Variants in DYNC2H1 observed in about 807,000 individuals in gnomAD.
DYNC2H1 encodes dynein cytoplasmic 2 heavy chain 1.
A neutral mutation model predicts 570.0 loss-of-function variants in DYNC2H1; 410 were observed. That is an observed-to-expected ratio of 0.72 (90% confidence interval 0.66 to 0.78). The LOEUF (loss-of-function observed/expected upper bound fraction) is 0.78, where lower values mean the gene tolerates loss of function less well. DYNC2H1 is among the 30% of genes least tolerant of loss of function. The pLI is 0.00. For missense variants in DYNC2H1, 4,865 were observed against 5,046.4 expected (o/e 0.96, Z 1.09); for synonymous variants, 1,688 against 1,677.6 (o/e 1.01, Z -0.15).
intron 82 of DYNC2H1, among the ~76,000 whole-genome samples, chr11:103,350,158 A>G (rs1425151783): frequency 6.6e-6 from 1 of 152,156 alleles, no homozygotes; most frequent in Non-Finnish European, 1.5e-5. Context: ...GCATGAAACT[A>G]TTAAGGGGTG....
At chr11:103,383,361 T>G (rs1941734936) in intron 83 of DYNC2H1, among the ~76,000 whole-genome samples, 1 of 152,192 alleles carries the variant, frequency 6.6e-6, no homozygotes, top group African/African-American at 2.4e-5. Flanking sequence ...AGATAATACC[T>G]CCTACATAAT....
At chr11:103,260,505 T>C (rs1444802619) in intron 70 of DYNC2H1, among the ~76,000 whole-genome samples, 2 of 152,210 alleles carry the variant, frequency 1.3e-5, no homozygotes, top group Non-Finnish European at 2.9e-5. Context: ...TCCTGAGTTA[T>C]GAAATTTTTT....
At chr11:103,409,114 G>T (rs185077669) in intron 84 of DYNC2H1, among the ~76,000 whole-genome samples, 1 of 152,036 alleles carries the variant, frequency 6.6e-6, no homozygotes, top group Non-Finnish European at 1.5e-5. Context: ...TCTAATACTG[G>T]TAATGCTAGA....
In DYNC2H1 at chr11:103,174,177, T is replaced by C. The variant is rs1044869032; in HGVS notation, c.5674+7T>C. The C allele has an allele frequency of 1.3e-6, 2 of 1,537,210 alleles. No homozygotes were observed. Among genetic ancestry groups the C allele is most frequent in the African/African-American group, 2.7e-5 (2 of 73,020 alleles). ...AGTGGCACTACACAGAATGGTATGA[T>C]TGATTATTCCAAATACATTAACTTA... is the stretch of plus-strand genomic sequence containing the variant. On this transcript the variant is annotated splice_region_variant and intron_variant, in intron 36 of 88. Transcript: ENST00000375735.
intron 84 of DYNC2H1, 93 bp from the exon 85 acceptor site, chr11:103,435,850 T>A: frequency 8.1e-7 from 1 of 1,232,702 alleles, no homozygotes; most frequent in South Asian, 1.3e-5. Flanking sequence ...ATGTGAATTA[T>A]GCCAAAATTT....
intron 82 of DYNC2H1, among the ~76,000 whole-genome samples, chr11:103,346,180 A>T (rs547774989): frequency 6.6e-6 from 1 of 152,210 alleles, no homozygotes; most frequent in Non-Finnish European, 1.5e-5. Context: ...AATGGCTTTT[A>T]TGAACCCAGC....
At position 103,466,962 on chromosome 11, in the gene DYNC2H1, G is replaced by A. The variant is rs146556904; in HGVS notation, c.12649-1627G>A. Among the ~76,000 whole-genome samples the A allele has an allele frequency of 2.3e-3, 347 of 152,074 alleles. 2 individuals carry two copies. The highest frequency in any genetic ancestry group is 0.017 in the Middle Eastern group (5 of 294). The stretch of plus-strand genomic sequence containing the variant: ...TTATTGAGGTGTTTTTTTAATAATG[G>A]TAAACAGTTGGAAATATTCACCAGC... On this transcript the variant is annotated intron_variant, in intron 87 of 88. Coordinates refer to ENST00000375735, the MANE Select transcript of DYNC2H1 (RefSeq NM_001377.3).
intron 59 of DYNC2H1, among the ~76,000 whole-genome samples, chr11:103,230,088 A>G (rs1863948229): frequency 6.6e-6 from 1 of 152,112 alleles, no homozygotes; most frequent in African/African-American, 2.4e-5. Flanking sequence ...TTGACAGGTA[A>G]TTTTGGTGTA....
In DYNC2H1 at chr11:103,293,454, T is replaced by C. The variant is rs1056320184; in HGVS notation, c.11095+5849T>C. ...GCTGTCTTGTACCTGGATATTCTTATCTTTCTCTATGCTAGGCAAGTTCTC... is the reference window on the plus strand; with the variant it reads ...GCTGTCTTGTACCTGGATATTCTTACCTTTCTCTATGCTAGGCAAGTTCTC... On this transcript the variant is annotated intron_variant, in intron 75 of 88. Transcript: ENST00000375735. Among the ~76,000 whole-genome samples, 15 of 152,318 alleles carry C rather than the reference T, an allele frequency of 9.8e-5. No individual in the cohort carries two copies. The East Asian group carries it at 2.9e-3, about 29-fold the overall frequency.
Position 103,125,221 on chromosome 11 carries a change from G to T in DYNC2H1, c.1783G>T (p.Val595Phe), listed in dbSNP as rs777973641. Residue 595 changes from valine to phenylalanine, a missense_variant, in exon 12 of 89, where the codon GTT becomes TTT. Coordinates refer to ENST00000375735, the MANE Select transcript of DYNC2H1 (RefSeq NM_001377.3). ...TCGTCAGCTCTCTGCACTTGGCTTT[G>T]TTATTCCTGCCAAAATACAGCAAGT... is the stretch of plus-strand genomic sequence containing the variant. Reference protein sequence around the residue: ...EVRQLSALGFVIPAKIQQVAN... With the variant: ...EVRQLSALGFFIPAKIQQVAN... The T allele has an allele frequency of 8.1e-6, 13 of 1,613,368 alleles. No individual in the cohort carries two copies. In the African/African-American group the frequency reaches 1.7e-4, roughly 22 times the overall value.
chr11:103,361,699 G>C (rs1278848772), intron 83 of DYNC2H1, among the ~76,000 whole-genome samples: 1 of 152,178 alleles, frequency 6.6e-6, no homozygotes, highest in Non-Finnish European at 1.5e-5. Context: ...AGCAGATGAA[G>C]AGCAGTGGGT....
At chr11:103,150,866 T>C (rs75852931) in intron 20 of DYNC2H1, among the ~76,000 whole-genome samples, 6 of 152,214 alleles carry the variant, frequency 3.9e-5, no homozygotes, top group African/African-American at 1.4e-4. Context: ...AATTAGGTAT[T>C]ATAAGAGGAA....
rs529456510 is a variant in DYNC2H1, at chr11:103,120,860, A to T, written c.1248+58A>T. ...TCTCTTAAGCTAATATATATATAAA[A>T]ATATATATATATTTACTGAGTTGAT... is the stretch of plus-strand genomic sequence containing the variant. On this transcript the variant is annotated intron_variant, in intron 8 of 88. Coordinates refer to ENST00000375735, the MANE Select transcript of DYNC2H1 (RefSeq NM_001377.3). The T allele has an allele frequency of 9.8e-5, 110 of 1,121,984 alleles. No individual in the cohort carries two copies. In the African/African-American group the frequency reaches 1.6e-3, roughly 16 times the overall value. 69.5% of individuals were successfully genotyped at this position (1,121,984 alleles called of 1,614,324 possible).
chr11:103,410,292 G>GTCTT (rs1283775698), intron 84 of DYNC2H1, among the ~76,000 whole-genome samples: 4 of 152,002 alleles, frequency 2.6e-5, no homozygotes, highest in African/African-American at 9.7e-5. Context: ...TCCTCCTTGA[G>GTCTT]TCTTTTGATT....
chr11:103,422,889 G>C (rs976567366), intron 84 of DYNC2H1, among the ~76,000 whole-genome samples: 2 of 152,158 alleles, frequency 1.3e-5, no homozygotes, highest in African/African-American at 4.8e-5. Context: ...AAGAGAGGAA[G>C]TCAAATTGTT....
intron 82 of DYNC2H1, among the ~76,000 whole-genome samples, chr11:103,333,326 C>G (rs1274079333): frequency 6.6e-6 from 1 of 152,130 alleles, no homozygotes; most frequent in Non-Finnish European, 1.5e-5. Flanking sequence ...TGCAGTGGCA[C>G]AATCTCAGCT....
chr11:103,254,841 G>A lies in DYNC2H1; in HGVS notation c.10207-574G>A, dbSNP rs141902785. Among the ~76,000 whole-genome samples the A allele has an allele frequency of 4.8e-3, 727 of 151,908 alleles. 6 individuals are homozygous for A. The highest frequency in any genetic ancestry group is 0.016 in the African/African-American group (661 of 41,440). ...GGCTGGAGTGCAATGGCGCAATCTCGGCTCACTGTAACTTCTGCCTCCTAG... is the reference window on the plus strand; with the variant it reads ...GGCTGGAGTGCAATGGCGCAATCTCAGCTCACTGTAACTTCTGCCTCCTAG... On this transcript the variant is annotated intron_variant, in intron 66 of 88. Coordinates refer to ENST00000375735, the MANE Select transcript of DYNC2H1 (RefSeq NM_001377.3). The surrounding 1 kb of genome is among the most constrained non-coding windows in gnomAD (Gnocchi z 4.9).
rs1864514834 is a variant in DYNC2H1 at position 103,243,922 on chromosome 11, A to G, written c.9918+131A>G. ...GTATGGGACCTTGGGCGAGAGATATAACTCTTAGCTTCAGTTTTCTAATTT... is the reference window on the plus strand; with the variant it reads ...GTATGGGACCTTGGGCGAGAGATATGACTCTTAGCTTCAGTTTTCTAATTT... On this transcript the variant is annotated intron_variant, in intron 64 of 88. Coordinates refer to ENST00000375735, the MANE Select transcript of DYNC2H1 (RefSeq NM_001377.3). This position sits in a 1 kb window ranked among gnomAD's most constrained non-coding sequence, Gnocchi z 4.8. 5.8e-6 allele frequency: 3 copies of G among 518,966 alleles called. No homozygotes were observed. Among genetic ancestry groups the G allele is most frequent in the East Asian group, 6.5e-5 (2 of 30,830 alleles). The allele number at this position is 518,966 out of a possible 1,614,324, so 32.1% of individuals were successfully genotyped here. A position where few individuals can be genotyped will look rare whatever the true frequency, so the allele number is the denominator to read the frequency against.
intron 79 of DYNC2H1, 79 bp from the exon 80 acceptor site, chr11:103,316,466 A>T: frequency 1.1e-6 from 1 of 951,222 alleles, no homozygotes; most frequent in Non-Finnish European, 1.5e-6. Flanking sequence ...TTGATCATTT[A>T]ATTTAAAGAC....
Sources: allele counts gnomAD v4.1 joint callset (sites outside exome capture counted in the v4.1 genomes callset), GRCh38; gene constraint gnomAD v4.1.1; non-coding constraint Gnocchi (gnomAD v3.1); transcripts MANE v1.5; gene names NCBI Gene and HGNC (gene_info 2026-07-23, HGNC 2026-07-21).